Variants in AMTN observed in about 807,000 individuals in gnomAD.
The protein encoded by AMTN is RSTI689.
AMTN carries 29 observed loss-of-function variants against 27.4 expected under a neutral mutation model. The ratio of observed to expected loss-of-function variants is 1.06; its 90% CI spans 0.79 to 1.44. AMTN has a LOEUF of 1.44. AMTN is among the 40% of genes most tolerant of loss of function. The pLI, the probability that AMTN is intolerant of heterozygous loss-of-function variation, is 0.00. For missense variants in AMTN, 247 were observed against 248.8 expected (o/e 0.99, Z 0.05); for synonymous variants, 86 against 95.7 (o/e 0.90, Z 0.59).
At chr4:70,530,739 C>T (rs563226062) in intron 7 of AMTN, among the ~76,000 whole-genome samples, 2 of 152,186 alleles carry the variant, frequency 1.3e-5, no homozygotes, top group East Asian at 3.9e-4. Context: ...TCAATTTTTC[C>T]ATTAATTTTT....
intron 5 of AMTN, among the ~76,000 whole-genome samples, chr4:70,527,897 C>A (rs1217057019): frequency 6.6e-6 from 1 of 152,096 alleles, no homozygotes; most frequent in African/African-American, 2.4e-5. Flanking sequence ...TGAATTATTT[C>A]TCGCCTAGTA....
chr4:70,531,074 GT>G lies in AMTN; in HGVS notation c.395del (p.Phe132SerfsTer29). 1 of 1,613,980 alleles carries G rather than the reference GT, an allele frequency of 6.2e-7. No individual in the cohort carries two copies. On this transcript the variant is annotated frameshift_variant, in exon 8 of 9. Transcript: ENST00000339336. LOFTEE classifies it high-confidence loss of function. ...TCACGAGCCTCATCATCCATTCCTT[GT>G]TCCCGGGAGGCATCCTGCCCACCAG... ...IFTSLIIHSL[F>X]PGGILPTSQA...
chr4:70,524,891 T>C lies in AMTN; in HGVS notation c.224T>C (p.Met75Thr), dbSNP rs769830496. 1 of 1,614,072 alleles carries C rather than the reference T, an allele frequency of 6.2e-7. No homozygotes were observed. Among genetic ancestry groups the C allele is most frequent in the Non-Finnish European group, 8.5e-7 (1 of 1,179,976 alleles). The change falls in exon 5 of 9, where the codon ATG (methionine) becomes ACG (threonine). Residue 75 changes from methionine (M) to threonine (T), a missense_variant. Physicochemically the swap from Met to Thr is moderately conservative, Grantham distance 81 (BLOSUM62 -1). Transcript: ENST00000339336. ...CTACAGTTAAATCCTGCTGCAGGAATGACACCTGGTACCCAGACCCACCCA... is the reference window on the plus strand; with the variant it reads ...CTACAGTTAAATCCTGCTGCAGGAACGACACCTGGTACCCAGACCCACCCA... ...DLHLLNPAAGMTPGTQTHPLT... is the reference protein window; with the variant it reads ...DLHLLNPAAGTTPGTQTHPLT...
At chr4:70,526,323 C>T (rs1476411137) in intron 5 of AMTN, among the ~76,000 whole-genome samples, 3 of 152,116 alleles carry the variant, frequency 2.0e-5, no homozygotes, top group Admixed American at 6.5e-5. Context: ...AAAATATTCA[C>T]TCACAATGTT....
chr4:70,532,622 A>C lies in AMTN; in HGVS notation c.*157A>C, dbSNP rs533905103. ...GAAAATATTCTTGAAATTTCAGAAA[A>C]TATGTTCTATGTAGAGAATCCCAAC... On this transcript the variant is annotated 3_prime_UTR_variant, in exon 9 of 9. Transcript: ENST00000339336. 4.4e-6 allele frequency: 3 copies of C among 677,938 alleles called. No homozygotes were observed. The Admixed American group carries it at 1.0e-4, about 23-fold the overall frequency. The allele number at this position is 677,938 out of a possible 1,614,324, so 42.0% of individuals were successfully genotyped here.
intron 7 of AMTN, among the ~76,000 whole-genome samples, chr4:70,530,334 C>CT (rs1395623895): frequency 3.3e-5 from 5 of 152,056 alleles, no homozygotes; most frequent in Non-Finnish European, 5.9e-5. Context: ...TGACACTCAC[C>CT]TTTTTTACTT....
Position 70,518,609 on chromosome 4 carries a change from C to A in AMTN, c.-61C>A, listed in dbSNP as rs1191909814. The A allele has an allele frequency of 5.0e-5, 29 of 575,636 alleles. No individual in the cohort carries two copies. The East Asian group carries it at 8.3e-4, about 17-fold the overall frequency. The allele number at this position is 575,636 out of a possible 1,614,324, so 35.7% of individuals were successfully genotyped here. A position where few individuals can be genotyped will look rare whatever the true frequency, so the allele number is the denominator to read the frequency against. On this transcript the variant is annotated 5_prime_UTR_variant, in exon 1 of 9. Coordinates refer to ENST00000339336, the MANE Select transcript of AMTN (RefSeq NM_212557.4). ...TTTTCACCAGAGTAAACTTGAGAAACCAACTGGACCTTGAGTATTGTACAT... is the reference window on the plus strand; with the variant it reads ...TTTTCACCAGAGTAAACTTGAGAAAACAACTGGACCTTGAGTATTGTACAT...
chr4:70,528,897 G>T, intron 6 of AMTN, 139 bp downstream of exon 6: 2 of 740,694 alleles, frequency 2.7e-6, no homozygotes, highest in East Asian at 6.0e-5. Flanking sequence ...ACAAGAGCTT[G>T]CTTTCTGCAT....
intron 8 of AMTN, 100 bp from the exon 9 acceptor site, chr4:70,532,354 AT>A: frequency 4.6e-6 from 4 of 865,890 alleles, no homozygotes; most frequent in Middle Eastern, 2.4e-4. Context: ...AATGATATGG[AT>A]GCTCCTAATC....
At chr4:70,528,589 G>T (rs956773260) in intron 5 of AMTN, 134 bp from the exon 6 acceptor site, 1 of 597,870 alleles carries the variant, frequency 1.7e-6, no homozygotes. Context: ...GGCAGAGGTT[G>T]CAGTGAGCCA....
chr4:70,530,969 G>T (rs1222224537), intron 7 of AMTN, 70 bp from the exon 8 acceptor site: 1 of 1,559,370 alleles, frequency 6.4e-7, no homozygotes, highest in Non-Finnish European at 8.7e-7. Context: ...ACCCAAACTT[G>T]CTCCCCTTAA....
In AMTN at chr4:70,532,549, T is replaced by C. The variant is rs1363598554; in HGVS notation, c.*84T>C. ...ATCATTGATTATATTATGGAATAGA[T>C]TGAGACACATTGGATAGTCTTAGAA... On this transcript the variant is annotated 3_prime_UTR_variant, in exon 9 of 9. Transcript: ENST00000339336. 2.0e-5 allele frequency: 24 copies of C among 1,191,790 alleles called. No homozygotes were observed. The East Asian group carries it at 4.0e-4, about 20-fold the overall frequency. 73.8% of individuals were successfully genotyped at this position (1,191,790 alleles called of 1,614,324 possible). A position where few individuals can be genotyped will look rare whatever the true frequency, so the allele number is the denominator to read the frequency against.
At chr4:70,519,682 A>G (rs1401867038) in intron 2 of AMTN, among the ~76,000 whole-genome samples, 3 of 144,998 alleles carry the variant, frequency 2.1e-5, no homozygotes, top group African/African-American at 7.7e-5. Context: ...GGTGTTCACA[A>G]GGATTGTAGA....
chr4:70,523,844 T>A, intron 3 of AMTN, 24 bp from the exon 4 acceptor site: 3 of 1,606,706 alleles, frequency 1.9e-6, no homozygotes, highest in Non-Finnish European at 2.6e-6. Flanking sequence ...TCTTGTCTCA[T>A]ACATCACTTT....
At chr4:70,524,831 T>C (rs752183651) in intron 4 of AMTN, 41 bp from the exon 5 acceptor site, 21 of 1,587,588 alleles carry the variant, frequency 1.3e-5, no homozygotes, top group Admixed American at 6.7e-5. Flanking sequence ...ATGTCCAAAC[T>C]GAAAAAAAAT....
chr4:70,522,306 C>T (rs1005071862), intron 2 of AMTN, among the ~76,000 whole-genome samples: 1 of 150,558 alleles, frequency 6.6e-6, no homozygotes, highest in Admixed American at 6.6e-5. Flanking sequence ...GGAAGAAAAA[C>T]TGAACTTCTG....
At chr4:70,518,686 C>T (rs1577930212) in intron 1 of AMTN, 32 bp downstream of exon 1, 1 of 1,031,524 alleles carries the variant, frequency 9.7e-7, no homozygotes, top group South Asian at 1.3e-5. Flanking sequence ...TCAAGTAGAA[C>T]TTTTGTTTTT....
intron 7 of AMTN, among the ~76,000 whole-genome samples, chr4:70,530,751 T>A (rs1736202413): frequency 6.6e-6 from 1 of 152,230 alleles, no homozygotes; most frequent in Non-Finnish European, 1.5e-5. Context: ...TTAATTTTTA[T>A]GCTCTTATTT....
Position 70,532,516 on chromosome 4 carries a change from G to A in AMTN, c.*51G>A. 1.3e-6 allele frequency: 2 copies of A among 1,540,326 alleles called. No individual in the cohort carries two copies. Among genetic ancestry groups the A allele is most frequent in the Non-Finnish European group, 1.8e-6 (2 of 1,118,110 alleles). On this transcript the variant is annotated 3_prime_UTR_variant, in exon 9 of 9. Transcript: ENST00000339336. ...CTGCCTCGAATTTGGTGATACATGT[G>A]AATCTTTATCATTGATTATATTATG...
Sources: allele counts gnomAD v4.1 joint callset (sites outside exome capture counted in the v4.1 genomes callset), GRCh38; gene constraint gnomAD v4.1.1; transcripts MANE v1.5; gene names NCBI Gene and HGNC (gene_info 2026-07-23, HGNC 2026-07-21).